The following GAB2 variants were observed in gnomAD, a reference collection of about 807,000 sequenced individuals.
The protein encoded by GAB2 is GRB2 associated binding protein 2.
A neutral mutation model predicts 65.5 loss-of-function variants in GAB2; 26 were observed. The ratio of observed to expected loss-of-function variants is 0.40; its 90% CI spans 0.29 to 0.55. The LOEUF (loss-of-function observed/expected upper bound fraction) is 0.55. GAB2 is among the 20% of genes least tolerant of loss of function. GAB2 has a pLI of 0.53. For missense variants in GAB2, 884 were observed against 875.8 expected, an observed-to-expected ratio of 1.01 and a Z score of -0.12; for synonymous variants, 321 against 329.6, an observed-to-expected ratio of 0.97 and a Z score of 0.28.
chr11:78,223,564 G>A lies in GAB2; in HGVS notation c.1415C>T (p.Ser472Phe), dbSNP rs752022689. 3.1e-6 allele frequency: 5 copies of A among 1,613,846 alleles called. No homozygotes were observed. The change falls in exon 6 of 10, where the codon TCC (serine) becomes TTC (phenylalanine). Residue 472 changes from serine to phenylalanine, a missense_variant. Transcript: ENST00000361507. The part of the protein sequence containing the change: ...LLAMERAGDN[S>F]QSVYIPMSPG... ...GCTCATTGGGATGTAGACGCTCTGG[G>A]AATTATCACCTGCTCGTTCCATGGC...
At chr11:78,240,673 AG>A (rs1364286971) in intron 3 of GAB2, among the ~76,000 whole-genome samples, 1 of 152,084 alleles carries the variant, frequency 6.6e-6, no homozygotes, top group African/African-American at 2.4e-5. Flanking sequence ...GTTGCCATTG[AG>A]CCTTATTGAC....
intron 1 of GAB2, among the ~76,000 whole-genome samples, chr11:78,282,394 C>T (rs963291989): frequency 6.6e-6 from 1 of 151,634 alleles, no homozygotes; most frequent in African/African-American, 2.4e-5. Flanking sequence ...GCAACCTCTG[C>T]CTCCTGGGTT....
chr11:78,386,241 G>T (rs573280124), intron 1 of GAB2, among the ~76,000 whole-genome samples: 1 of 152,198 alleles, frequency 6.6e-6, no homozygotes, highest in Non-Finnish European at 1.5e-5. Context: ...TTCAGTGTTT[G>T]CCCTGGGAGA....
At position 78,219,201 on chromosome 11, in the gene GAB2, GA is replaced by G; in HGVS notation, c.*70del. 2 of 1,406,580 alleles carry G rather than the reference GA, an allele frequency of 1.4e-6. No individual in the cohort carries two copies. The highest frequency in any genetic ancestry group is 2.0e-6 in the Non-Finnish European group (2 of 1,008,418). 87.1% of individuals were successfully genotyped at this position (1,406,580 alleles called of 1,614,324 possible). A position where few individuals can be genotyped will look rare whatever the true frequency, so the allele number is the denominator to read the frequency against. On this transcript the variant is annotated 3_prime_UTR_variant, in exon 10 of 10. Transcript: ENST00000361507. The stretch of plus-strand genomic sequence containing the variant: ...GAGGTGGATGGGAGGAAGAACGGGA[GA>G]GGGGAGAGGGGAGATGGGAAGGGCC...
intron 5 of GAB2, 38 bp from the exon 6 acceptor site, chr11:78,223,714 T>C (rs1864538070): frequency 1.3e-6 from 2 of 1,525,652 alleles, no homozygotes; most frequent in Non-Finnish European, 1.8e-6. Context: ...CAGCTGTTAC[T>C]AGCAAGAAGA....
chr11:78,281,248 AT>A (rs35622684), intron 1 of GAB2, among the ~76,000 whole-genome samples: 124,050 of 143,760 alleles, frequency 0.86, 53,855 homozygotes, highest in Non-Finnish European at 0.94. Flanking sequence ...ACCTTAATGC[AT>A]TTTTTTTTTT....
At chr11:78,227,111 G>T in intron 3 of GAB2, 60 bp from the exon 4 acceptor site, 2 of 1,124,658 alleles carry the variant, frequency 1.8e-6, no homozygotes, top group Non-Finnish European at 2.6e-6. Flanking sequence ...GTGTGACCTT[G>T]AGGCAAAGCA....
chr11:78,281,940 AG>A, intron 1 of GAB2, among the ~76,000 whole-genome samples: 1 of 152,238 alleles, frequency 6.6e-6, no homozygotes, highest in Non-Finnish European at 1.5e-5. Flanking sequence ...CAGAAAAACA[AG>A]TTTTCTAACT....
chr11:78,295,039 A>C (rs1269704313), intron 1 of GAB2, among the ~76,000 whole-genome samples: 8 of 152,234 alleles, frequency 5.3e-5, no homozygotes, highest in Non-Finnish European at 1.2e-4. Flanking sequence ...AAACAAATTT[A>C]CAAGAAAAAA....
chr11:78,404,409 G>A (rs962717976), intron 1 of GAB2, among the ~76,000 whole-genome samples: 8 of 152,168 alleles, frequency 5.3e-5, no homozygotes, highest in Non-Finnish European at 7.3e-5. Context: ...TAGCCAGGCC[G>A]GGTGGCGCAT....
At position 78,250,215 on chromosome 11, in the gene GAB2, C is replaced by T. The variant is rs1459019032; in HGVS notation, c.562G>A (p.Ala188Thr). 4.6e-5 allele frequency: 75 copies of T among 1,613,034 alleles called. No individual in the cohort carries two copies. Among genetic ancestry groups the T allele is most frequent in the Non-Finnish European group, 5.6e-5 (66 of 1,179,886 alleles). The stretch of plus-strand genomic sequence containing the variant: ...TGCAAGTAGAGATACTCCTGAGGTG[C>T]GCTGGTGGACAAGGTGGGCTGCATG... ...NHMQPTLSTS[A>T]PQEYLYLHQC... is the part of the protein sequence containing the mutation. The change falls in exon 3 of 10, where the codon GCA becomes ACA. Residue 188 changes from alanine (A) to threonine (T), a missense_variant. Coordinates refer to ENST00000361507, the MANE Select transcript of GAB2 (RefSeq NM_080491.3).
chr11:78,331,019 A>G (rs1295337514), intron 1 of GAB2, among the ~76,000 whole-genome samples: 2 of 151,854 alleles, frequency 1.3e-5, no homozygotes, highest in Non-Finnish European at 2.9e-5. Flanking sequence ...TCTAAAAAAT[A>G]CAAAAATTAC....
rs1865425134 is a variant in GAB2 at position 78,250,501 on chromosome 11, A to C, written c.377-101T>G. On this transcript the variant is annotated intron_variant, in intron 2 of 9. Coordinates refer to ENST00000361507, the MANE Select transcript of GAB2 (RefSeq NM_080491.3). ...AGAAAAAAGAGTAAGAGCAGAGAAA[A>C]TAATCCAGCACTAGCATTCTCTCCC... 4 of 1,058,042 alleles carry C rather than the reference A, an allele frequency of 3.8e-6. No homozygotes were observed. In the South Asian group the frequency reaches 4.2e-5, roughly 11 times the overall value. 65.5% of individuals were successfully genotyped at this position (1,058,042 alleles called of 1,614,324 possible). A position where few individuals can be genotyped will look rare whatever the true frequency, so the allele number is the denominator to read the frequency against.
chr11:78,318,376 A>AAAAAAAAAAAAAAAAAAAAAAAAG, intron 1 of GAB2, among the ~76,000 whole-genome samples: 1 of 146,736 alleles, frequency 6.8e-6, no homozygotes, highest in Non-Finnish European at 1.5e-5. Context: ...TGCCAAAAAA[A>AAAAAAAAAAAAAAAAAAAAAAAAG]AAAAAAAAAA....
intron 1 of GAB2, among the ~76,000 whole-genome samples, chr11:78,309,012 T>C (rs1307340568): frequency 1.3e-5 from 2 of 152,122 alleles, no homozygotes; most frequent in African/African-American, 4.8e-5. Flanking sequence ...GTCACGACAG[T>C]ACAGGCAAGG....
rs567265511 is a variant in GAB2 at position 78,292,599 on chromosome 11, C to T, written c.76-11698G>A. Among the ~76,000 whole-genome samples, 9 of 152,326 alleles carry T rather than the reference C, an allele frequency of 5.9e-5. No individual in the cohort carries two copies. In the South Asian group the frequency reaches 6.2e-4, roughly 11 times the overall value. ...AAGTCTATCCTAATATATTTCAACACGAAGCTACTATGCCAGTCTCGTGTC... is the reference window on the plus strand; with the variant it reads ...AAGTCTATCCTAATATATTTCAACATGAAGCTACTATGCCAGTCTCGTGTC... On this transcript the variant is annotated intron_variant, in intron 1 of 9. Transcript: ENST00000361507.
intron 1 of GAB2, among the ~76,000 whole-genome samples, chr11:78,378,229 T>C (rs1856655581): frequency 6.6e-6 from 1 of 152,140 alleles, no homozygotes; most frequent in Non-Finnish European, 1.5e-5. Flanking sequence ...TTATCACCTA[T>C]AGACAGCTTG....
intron 1 of GAB2, among the ~76,000 whole-genome samples, chr11:78,370,712 C>CGTGTGTGTATGTGT (rs1554995527): frequency 8.9e-4 from 110 of 123,314 alleles, no homozygotes; most frequent in African/African-American, 3.1e-3. Context: ...TGTGTGTGTG[C>CGTGTGTGTATGTGT]GTGTGTGTGT....
intron 3 of GAB2, among the ~76,000 whole-genome samples, chr11:78,241,458 G>C (rs1450617301): frequency 6.6e-6 from 1 of 152,142 alleles, no homozygotes; most frequent in African/African-American, 2.4e-5. Context: ...CTAGTAACTA[G>C]AGCCCAGTGA....
Sources: gnomAD v4.1 joint callset for allele counts (sites outside exome capture counted in the v4.1 genomes callset) on GRCh38, gnomAD v4.1.1 for gene constraint, MANE v1.5 for transcripts, NCBI Gene and HGNC (gene_info 2026-07-23, HGNC 2026-07-21) for gene names.